The following NKAIN3 variants were observed in gnomAD, a reference collection of about 807,000 sequenced individuals.
NKAIN3 encodes sodium/potassium-transporting ATPase subunit beta-1-interacting protein 3.
In NKAIN3, 25 loss-of-function variants were observed where a neutral mutation model predicts 30.2. The observed-to-expected ratio is 0.83, with a 90% confidence interval of 0.60 to 1.16. The LOEUF is 1.16. Ranked by LOEUF, NKAIN3 falls within the 50% of genes most tolerant of loss-of-function variation. The pLI, the probability that NKAIN3 is intolerant of heterozygous loss-of-function variation, is 0.00. For synonymous variants in NKAIN3, 91 were observed against 89.6 expected, an observed-to-expected ratio of 1.02 and a Z score of -0.09; for missense variants, 225 against 254.1, an observed-to-expected ratio of 0.89 and a Z score of 0.78.
intron 1 of NKAIN3, among the ~76,000 whole-genome samples, chr8:62,542,061 C>G (rs987393336): frequency 3.3e-5 from 5 of 152,204 alleles, no homozygotes; most frequent in Admixed American, 3.3e-4. Context: ...ACTCATAGGT[C>G]TTTTCTCCTG....
chr8:62,426,141 G>A (rs1252693349), intron 1 of NKAIN3, among the ~76,000 whole-genome samples: 1 of 151,852 alleles, frequency 6.6e-6, no homozygotes, highest in Non-Finnish European at 1.5e-5. Flanking sequence ...CAAGTCTTTG[G>A]GAGTCTATAT....
chr8:62,934,846 G>T (rs1309798078), intron 5 of NKAIN3, among the ~76,000 whole-genome samples: 1 of 152,072 alleles, frequency 6.6e-6, no homozygotes, highest in African/African-American at 2.4e-5. Context: ...AAAAAACGGG[G>T]TAGAAAATGA....
chr8:62,952,027 T>G (rs968060543), intron 5 of NKAIN3, among the ~76,000 whole-genome samples: 2 of 152,022 alleles, frequency 1.3e-5, no homozygotes, highest in African/African-American at 4.8e-5. Flanking sequence ...CTCAAACCCC[T>G]GACTTCAAAT....
intron 4 of NKAIN3, among the ~76,000 whole-genome samples, chr8:62,808,354 C>A (rs1818371767): frequency 6.6e-6 from 1 of 152,128 alleles, no homozygotes; most frequent in Admixed American, 6.6e-5. Context: ...TAGTTCAACT[C>A]AATAGTTATT....
At chr8:62,625,410 C>T (rs1014863518) in intron 3 of NKAIN3, among the ~76,000 whole-genome samples, 35 of 152,152 alleles carry the variant, frequency 2.3e-4, no homozygotes, top group African/African-American at 8.4e-4. Flanking sequence ...AACCTAGACT[C>T]CTCCCACTCA....
At chr8:62,456,667 C>T (rs898134943) in intron 1 of NKAIN3, among the ~76,000 whole-genome samples, 1 of 152,202 alleles carries the variant, frequency 6.6e-6, no homozygotes, top group Non-Finnish European at 1.5e-5. Flanking sequence ...TCACCTGGAG[C>T]AGCAAGATGT....
intron 1 of NKAIN3, among the ~76,000 whole-genome samples, chr8:62,515,213 T>C (rs1807946789): frequency 6.6e-6 from 1 of 152,196 alleles, no homozygotes; most frequent in Admixed American, 6.5e-5. Flanking sequence ...TTTTTTTCTA[T>C]TCAACACTTT....
intron 1 of NKAIN3, among the ~76,000 whole-genome samples, chr8:62,406,841 A>G (rs1258959298): frequency 6.6e-6 from 1 of 152,158 alleles, no homozygotes; most frequent in African/African-American, 2.4e-5. Context: ...AAAACAGACA[A>G]CTCTGTTGCT....
intron 1 of NKAIN3, among the ~76,000 whole-genome samples, chr8:62,310,754 C>T (rs1311508217): frequency 6.7e-6 from 1 of 150,258 alleles, no homozygotes; most frequent in Non-Finnish European, 1.5e-5. Flanking sequence ...CGAGTGTGTA[C>T]TCATCTGAAA....
At chr8:62,545,680 TA>T (rs1808982317) in intron 1 of NKAIN3, among the ~76,000 whole-genome samples, 1 of 152,242 alleles carries the variant, frequency 6.6e-6, no homozygotes, top group Non-Finnish European at 1.5e-5. Flanking sequence ...ATAATTTATG[TA>T]AAAACTCTCC....
intron 4 of NKAIN3, among the ~76,000 whole-genome samples, chr8:62,889,582 G>A (rs1339212835): frequency 6.6e-6 from 1 of 152,090 alleles, no homozygotes; most frequent in Non-Finnish European, 1.5e-5. Context: ...GCCACTTTTG[G>A]ATAAGTATGT....
chr8:62,358,905 G>A (rs1816444825), intron 1 of NKAIN3, among the ~76,000 whole-genome samples: 1 of 152,174 alleles, frequency 6.6e-6, no homozygotes. Flanking sequence ...TCTATGGCCG[G>A]GCGCGGTGGC....
At chr8:62,279,075 T>C (rs969135447) in intron 1 of NKAIN3, among the ~76,000 whole-genome samples, 3 of 152,210 alleles carry the variant, frequency 2.0e-5, no homozygotes, top group Non-Finnish European at 2.9e-5. Context: ...CCATTCTAAC[T>C]GGTGTGAGAT....
chr8:62,543,547 T>C (rs1405755690), intron 1 of NKAIN3, among the ~76,000 whole-genome samples: 1 of 152,178 alleles, frequency 6.6e-6, no homozygotes, highest in Non-Finnish European at 1.5e-5. Flanking sequence ...TTGGAATTAG[T>C]GGAAACATAG....
At chr8:62,439,788 C>G (rs951727220) in intron 1 of NKAIN3, among the ~76,000 whole-genome samples, 14 of 152,316 alleles carry the variant, frequency 9.2e-5, no homozygotes, top group African/African-American at 3.4e-4. Context: ...GTGCAGTCAA[C>G]AGAGAAGCAA....
At position 62,703,339 on chromosome 8, in the gene NKAIN3, G is replaced by C. The variant is rs150305608; in HGVS notation, c.274-43593G>C. Among the ~76,000 whole-genome samples, 183 of 151,802 alleles carry C rather than the reference G, an allele frequency of 1.2e-3. 1 individual carries two copies. The highest frequency in any genetic ancestry group is 4.0e-3 in the African/African-American group (164 of 41,384). Reference sequence around the variant, plus strand: ...TTTAACAATATTATTATCTAATTTAGATTTTTAAGATCAACAGAACATTTT... The same window carrying C: ...TTTAACAATATTATTATCTAATTTACATTTTTAAGATCAACAGAACATTTT... On this transcript the variant is annotated intron_variant, in intron 3 of 6. Coordinates refer to ENST00000623646, the MANE Select transcript of NKAIN3 (RefSeq NM_001304533.3).
chr8:62,682,544 A>C (rs916338407), intron 3 of NKAIN3, among the ~76,000 whole-genome samples: 3 of 152,096 alleles, frequency 2.0e-5, no homozygotes, highest in Admixed American at 6.5e-5. Context: ...GAAACCTGAA[A>C]GCTCTGCTTG....
intron 1 of NKAIN3, among the ~76,000 whole-genome samples, chr8:62,530,316 C>T (rs1447839028): frequency 6.6e-6 from 1 of 151,992 alleles, no homozygotes; most frequent in South Asian, 2.1e-4. Flanking sequence ...GTTGGCAAAC[C>T]AGAACTTAAT....
chr8:62,545,805 AT>A (rs1414632338), intron 1 of NKAIN3, among the ~76,000 whole-genome samples: 1 of 152,170 alleles, frequency 6.6e-6, no homozygotes, highest in African/African-American at 2.4e-5. Context: ...GTATGTAAAA[AT>A]TTTTCAATCA....
Sources: gnomAD v4.1 joint callset for allele counts (sites outside exome capture counted in the v4.1 genomes callset) on GRCh38, gnomAD v4.1.1 for gene constraint, MANE v1.5 for transcripts, NCBI Gene and HGNC (gene_info 2026-07-23, HGNC 2026-07-21) for gene names.